SHISA9: variants seen among roughly 807,000 people sequenced by gnomAD.
The protein encoded by SHISA9 is shisa family member 9, also known as protein shisa-9.
Under a neutral mutation model 38.0 loss-of-function variants are expected in SHISA9, and 13 were observed. That is an observed-to-expected ratio of 0.34 (90% CI 0.22 to 0.54). SHISA9 has a LOEUF of 0.54. SHISA9 is among the 20% of genes least tolerant of loss of function. SHISA9 has a pLI of 0.91. For synonymous variants in SHISA9, 275 were observed against 242.0 expected, an observed-to-expected ratio of 1.14 and a Z score of -1.27; for missense variants, 538 against 575.8, an observed-to-expected ratio of 0.93 and a Z score of 0.67.
At chr16:13,233,993 A>G (rs927889592) in intron 4 of SHISA9, among the ~76,000 whole-genome samples, 1 of 152,194 alleles carries the variant, frequency 6.6e-6, no homozygotes, top group African/African-American at 2.4e-5. Context: ...GCAGAGTAAG[A>G]TCCTGTCTGA....
the SHISA9 span, among the ~76,000 whole-genome samples, chr16:13,527,281 C>G: frequency 1.3e-5 from 2 of 152,166 alleles, no homozygotes; most frequent in Non-Finnish European, 2.9e-5. Context: ...TCTCCCTCAG[C>G]GTTTTTGGAG....
chr16:13,098,533 G>C (rs528679172), intron 2 of SHISA9, among the ~76,000 whole-genome samples: 24 of 152,280 alleles, frequency 1.6e-4, no homozygotes, highest in East Asian at 5.8e-4. Flanking sequence ...AGTGAGAAAG[G>C]GGGGAGGTTC....
the SHISA9 span, among the ~76,000 whole-genome samples, chr16:13,491,399 A>G: frequency 7.4e-6 from 1 of 136,054 alleles, no homozygotes; most frequent in Middle Eastern, 3.4e-3. Context: ...TTTTTTTTTT[A>G]ACCTTTTGGA....
At chr16:13,045,467 C>T (rs921811536) in intron 2 of SHISA9, among the ~76,000 whole-genome samples, 1 of 152,150 alleles carries the variant, frequency 6.6e-6, no homozygotes, top group African/African-American at 2.4e-5. Flanking sequence ...CAGATAGGTT[C>T]ATGAGTAATG....
chr16:13,111,294 A>G (rs1359553396), intron 2 of SHISA9, among the ~76,000 whole-genome samples: 2 of 151,764 alleles, frequency 1.3e-5, no homozygotes, highest in Non-Finnish European at 2.9e-5. Context: ...CAATCTATCC[A>G]TCTGACAAAG....
At chr16:13,487,294 G>T in the SHISA9 span, among the ~76,000 whole-genome samples, 4 of 152,156 alleles carry the variant, frequency 2.6e-5, no homozygotes, top group Non-Finnish European at 5.9e-5. Context: ...AAATACCCGA[G>T]ACTCGGTAAT....
chr16:13,380,601 A>G, the SHISA9 span, among the ~76,000 whole-genome samples: 1 of 152,218 alleles, frequency 6.6e-6, no homozygotes, highest in Admixed American at 6.5e-5. Flanking sequence ...CTGTTGCACA[A>G]TTTATTACAC....
intron 2 of SHISA9, among the ~76,000 whole-genome samples, chr16:13,140,047 CCCTCT>C (rs962550957): frequency 2.7e-5 from 4 of 148,866 alleles, no homozygotes; most frequent in South Asian, 2.2e-4. Flanking sequence ...TAGTCCCCTC[CCCTCT>C]CCTCTCCTCT....
At chr16:13,102,535 T>A (rs540090319) in intron 2 of SHISA9, among the ~76,000 whole-genome samples, 1 of 152,306 alleles carries the variant, frequency 6.6e-6, no homozygotes, top group East Asian at 1.9e-4. Context: ...CTTTGTCCCA[T>A]CTGATGTCCT....
intron 4 of SHISA9, among the ~76,000 whole-genome samples, chr16:13,229,122 C>T (rs771685307): frequency 3.3e-5 from 5 of 152,098 alleles, no homozygotes; most frequent in African/African-American, 4.8e-5. Context: ...ACTGTGCCAC[C>T]GCACTCCAGC....
chr16:13,242,577 G>A (rs1406540376), downstream of SHISA9, among the ~76,000 whole-genome samples: 1 of 152,202 alleles, frequency 6.6e-6, no homozygotes, highest in African/African-American at 2.4e-5. Flanking sequence ...GTCCTATAAT[G>A]AAGAGAAGAC....
chr16:13,100,703 T>C (rs1308935084), intron 2 of SHISA9, among the ~76,000 whole-genome samples: 1 of 151,946 alleles, frequency 6.6e-6, no homozygotes, highest in African/African-American at 2.4e-5. Flanking sequence ...CTTCTACGAG[T>C]TTGGCTATTT....
At chr16:13,227,997 AT>A (rs1419610245) in intron 4 of SHISA9, among the ~76,000 whole-genome samples, 3 of 152,340 alleles carry the variant, frequency 2.0e-5, no homozygotes, top group Non-Finnish European at 4.4e-5. Flanking sequence ...AAATATAGGT[AT>A]TGAGCATTTA....
chr16:13,296,958 T>C, the SHISA9 span, among the ~76,000 whole-genome samples: 1 of 64,094 alleles, frequency 1.6e-5, no homozygotes, highest in African/African-American at 6.1e-5. Flanking sequence ...TCTTAGAAAA[T>C]ACAAAAACAA....
the SHISA9 span, among the ~76,000 whole-genome samples, chr16:13,401,044 T>C: frequency 6.6e-6 from 1 of 152,178 alleles, no homozygotes; most frequent in African/African-American, 2.4e-5. Flanking sequence ...AATGCATTTT[T>C]CCAAGCCCAC....
chr16:13,310,603 G>C, the SHISA9 span, among the ~76,000 whole-genome samples: 12 of 151,622 alleles, frequency 7.9e-5, no homozygotes, highest in South Asian at 2.5e-3. Flanking sequence ...TATCTTGAAG[G>C]ACTTTTAGCA....
intron 2 of SHISA9, among the ~76,000 whole-genome samples, chr16:12,918,316 T>A (rs1299518688): frequency 6.6e-6 from 1 of 152,204 alleles, no homozygotes; most frequent in Non-Finnish European, 1.5e-5. Context: ...CCTAGTCGTG[T>A]GCTTCAGTCC....
intron 2 of SHISA9, among the ~76,000 whole-genome samples, chr16:13,019,763 CTTTTCTTT>C (rs2072801545): frequency 7.2e-6 from 1 of 138,674 alleles, no homozygotes; most frequent in African/African-American, 2.6e-5. Flanking sequence ...TCTTTTCTTT[CTTTTCTTT>C]CTTTCTTTCT....
At chr16:13,017,494 C>T (rs901218933) in intron 2 of SHISA9, among the ~76,000 whole-genome samples, 1 of 152,182 alleles carries the variant, frequency 6.6e-6, no homozygotes, top group East Asian at 1.9e-4. Context: ...ACTGGCTAAA[C>T]TGGGATTCCC....
Sources: gnomAD v4.1 joint callset for allele counts (sites outside exome capture counted in the v4.1 genomes callset) on GRCh38, gnomAD v4.1.1 for gene constraint, MANE v1.5 for transcripts, NCBI Gene and HGNC (gene_info 2026-07-23, HGNC 2026-07-21) for gene names.